The following PTPRD variants were observed in gnomAD, a reference collection of about 807,000 sequenced individuals.
PTPRD encodes the protein protein tyrosine phosphatase receptor type D.
Under a neutral mutation model 214.5 loss-of-function variants are expected in PTPRD, and 34 were observed. The ratio of observed to expected loss-of-function variants is 0.16; its 90% CI spans 0.12 to 0.21. The LOEUF (loss-of-function observed/expected upper bound fraction) is 0.21, where lower values mean the gene tolerates loss of function less well. Among genes scored for constraint, PTPRD ranks in the 10% least tolerant of loss-of-function variants. The pLI is 1.00. For missense variants in PTPRD, 2,545 were observed against 2,398.7 expected (o/e 1.06, Z -1.27); for synonymous variants, 1,128 against 845.7 (o/e 1.33, Z -5.79).
chr9:9,439,723 C>T (rs1286784745), intron 8 of PTPRD, among the ~76,000 whole-genome samples: 1 of 152,156 alleles, frequency 6.6e-6, no homozygotes, highest in Non-Finnish European at 1.5e-5. Context: ...CCTTCACTAC[C>T]TAAAGACTAT....
In PTPRD at chr9:8,320,456, A is replaced by G. The variant is rs556027834; in HGVS notation, c.5535-490T>C. ...CCATAACCTAAATGTATTTGCCTAT[A>G]ACTAGTCAAATGTTTACACTGGTTT... On this transcript the variant is annotated intron_variant, in intron 44 of 45. Coordinates refer to ENST00000381196, the MANE Select transcript of PTPRD (RefSeq NM_002839.4). Among the ~76,000 whole-genome samples the G allele has an allele frequency of 5.9e-5, 9 of 152,248 alleles. No individual in the cohort carries two copies. The East Asian group carries it at 1.7e-3, about 29-fold the overall frequency.
At chr9:10,416,984 A>G (rs12003710) in intron 2 of PTPRD, among the ~76,000 whole-genome samples, 2 of 151,890 alleles carry the variant, frequency 1.3e-5, no homozygotes, top group African/African-American at 4.8e-5. Flanking sequence ...TAGGTTCTAA[A>G]CAACTTTTAT....
chr9:9,759,496 C>G (rs2154474344), intron 6 of PTPRD, among the ~76,000 whole-genome samples: 1 of 150,878 alleles, frequency 6.6e-6, no homozygotes, highest in African/African-American at 2.4e-5. Flanking sequence ...AGTATAAACT[C>G]AGTCTGTAAT....
intron 4 of PTPRD, among the ~76,000 whole-genome samples, chr9:9,991,958 C>T (rs2095949006): frequency 6.6e-6 from 1 of 152,000 alleles, no homozygotes; most frequent in African/African-American, 2.4e-5. Flanking sequence ...GAAGTACTGA[C>T]ACAATGCTAC....
At chr9:8,855,148 G>A (rs1284104350) in intron 11 of PTPRD, among the ~76,000 whole-genome samples, 1 of 146,796 alleles carries the variant, frequency 6.8e-6, no homozygotes, top group Non-Finnish European at 1.5e-5. Flanking sequence ...TTTTTTTAAT[G>A]TCTCTCTAGG....
chr9:8,369,262 C>T (rs1463039576), intron 39 of PTPRD, among the ~76,000 whole-genome samples: 1 of 152,064 alleles, frequency 6.6e-6, no homozygotes, highest in Non-Finnish European at 1.5e-5. Flanking sequence ...TGTTTTTATG[C>T]TCTTATGCAA....
chr9:10,066,890 G>A (rs1022222504), intron 3 of PTPRD, among the ~76,000 whole-genome samples: 1 of 151,676 alleles, frequency 6.6e-6, no homozygotes, highest in Non-Finnish European at 1.5e-5. Context: ...GAATGCTAGA[G>A]TAAAACATAT....
At chr9:10,130,173 A>AT (rs71321226) in intron 3 of PTPRD, among the ~76,000 whole-genome samples, 7,938 of 143,788 alleles carry the variant, frequency 0.055, 364 homozygotes, top group African/African-American at 0.12. Context: ...ACTCAAATCT[A>AT]TTTTTTTTTT....
intron 5 of PTPRD, among the ~76,000 whole-genome samples, chr9:9,899,673 T>C (rs914218478): frequency 1.3e-5 from 2 of 151,832 alleles, no homozygotes; most frequent in African/African-American, 4.8e-5. Context: ...AGAACCACCA[T>C]ATAAGCCAGC....
At chr9:9,090,881 C>A in intron 10 of PTPRD, 2 of 1,027,912 alleles carry the variant, frequency 1.9e-6, no homozygotes, top group Non-Finnish European at 3.0e-6. Context: ...TAGCTGTCTC[C>A]GGTCCGTGCC....
intron 5 of PTPRD, among the ~76,000 whole-genome samples, chr9:9,854,959 G>A (rs747454316): frequency 7.2e-5 from 11 of 152,068 alleles, no homozygotes; most frequent in Admixed American, 2.0e-4. Context: ...TAAAATTAAT[G>A]GAAGAAACAT....
At chr9:8,713,106 G>C (rs1197626556) in intron 12 of PTPRD, among the ~76,000 whole-genome samples, 1 of 152,182 alleles carries the variant, frequency 6.6e-6, no homozygotes, top group Non-Finnish European at 1.5e-5. Flanking sequence ...AACAGAATCT[G>C]AGAGGATTAA....
chr9:8,594,443 C>A (rs985511258), intron 14 of PTPRD, among the ~76,000 whole-genome samples: 5 of 152,054 alleles, frequency 3.3e-5, no homozygotes, highest in African/African-American at 9.7e-5. Flanking sequence ...TAATATAAAT[C>A]CTGGCAAACA....
chr9:10,418,936 G>A (rs2098520297), intron 2 of PTPRD, among the ~76,000 whole-genome samples: 1 of 151,760 alleles, frequency 6.6e-6, no homozygotes, highest in Non-Finnish European at 1.5e-5. Flanking sequence ...TCTCTTCTGG[G>A]AATAGTCTCT....
At chr9:8,531,585 C>T (rs1424795073) in intron 14 of PTPRD, among the ~76,000 whole-genome samples, 1 of 152,096 alleles carries the variant, frequency 6.6e-6, no homozygotes, top group African/African-American at 2.4e-5. Flanking sequence ...ATTTTTAAAG[C>T]AACCAACTTA....
At chr9:10,256,530 T>C (rs2093295928) in intron 3 of PTPRD, among the ~76,000 whole-genome samples, 2 of 152,144 alleles carry the variant, frequency 1.3e-5, no homozygotes, top group African/African-American at 4.8e-5. Flanking sequence ...CATCACTGAG[T>C]GAAACGTCAT....
chr9:9,273,985 T>C (rs923879021), intron 9 of PTPRD, among the ~76,000 whole-genome samples: 1 of 151,338 alleles, frequency 6.6e-6, no homozygotes, highest in Non-Finnish European at 1.5e-5. Flanking sequence ...TTTTCTACCT[T>C]ACATCCTGCC....
intron 2 of PTPRD, among the ~76,000 whole-genome samples, chr9:10,507,218 T>A (rs1254606748): frequency 2.0e-5 from 3 of 151,912 alleles, no homozygotes; most frequent in Non-Finnish European, 4.4e-5. Flanking sequence ...GAGAATAAAA[T>A]ACCTAGGAAT....
chr9:10,050,726 T>G (rs2097521340), intron 3 of PTPRD, among the ~76,000 whole-genome samples: 1 of 151,948 alleles, frequency 6.6e-6, no homozygotes. Context: ...AAGACAAATA[T>G]CCATGGAACT....
Sources: gnomAD v4.1 joint callset for allele counts (sites outside exome capture counted in the v4.1 genomes callset) on GRCh38, gnomAD v4.1.1 for gene constraint, MANE v1.5 for transcripts, NCBI Gene and HGNC (gene_info 2026-07-23, HGNC 2026-07-21) for gene names.